The following EIF4EBP2 variants were observed in gnomAD, a reference collection of about 807,000 sequenced individuals.
EIF4EBP2 encodes the protein eukaryotic translation initiation factor 4E binding protein 2, also known as eukaryotic translation initiation factor 4E-binding protein 2.
Under a neutral mutation model 10.3 loss-of-function variants are expected in EIF4EBP2, and 5 were observed. That is an observed-to-expected ratio of 0.48 (90% CI 0.25 to 1.02). The LOEUF is 1.02. EIF4EBP2 is among the 50% of genes least tolerant of loss of function. The probability of loss-of-function intolerance (pLI) is 0.15; values close to 1 mark genes in which losing one functional copy is unlikely to be tolerated. For missense variants in EIF4EBP2, 188 were observed against 162.2 expected, an observed-to-expected ratio of 1.16 and a Z score of -0.86; for synonymous variants, 67 against 61.1, an observed-to-expected ratio of 1.10 and a Z score of -0.45.
chr10:70,408,993 G>A (rs1438284343), intron 1 of EIF4EBP2, among the ~76,000 whole-genome samples: 1 of 152,200 alleles, frequency 6.6e-6, no homozygotes, highest in African/African-American at 2.4e-5. Context: ...GAGCATTCCA[G>A]CATAACAACA....
At chr10:70,410,361 C>A (rs778532913) in intron 1 of EIF4EBP2, among the ~76,000 whole-genome samples, 13 of 152,106 alleles carry the variant, frequency 8.5e-5, no homozygotes, top group Admixed American at 2.0e-4. Flanking sequence ...CATGCCCAGC[C>A]CTGTTTCTTT....
At chr10:70,420,134 G>T (rs1845139195) in intron 2 of EIF4EBP2, 35 bp downstream of exon 2, 1 of 1,534,922 alleles carries the variant, frequency 6.5e-7, no homozygotes, top group Admixed American at 2.1e-5. Flanking sequence ...CCTAGAGCGT[G>T]GCTCTTGGAA....
rs1845184179 is a variant in EIF4EBP2, at chr10:70,424,029, C to T, written c.*2282C>T. On this transcript the variant is annotated 3_prime_UTR_variant, in exon 3 of 3. Coordinates refer to ENST00000373218, the MANE Select transcript of EIF4EBP2 (RefSeq NM_004096.5). ...GGAATGAAGCTTTTCATTCTTCATACACTGGCCTTGGCATCCTGTGGAATT... is the reference window on the plus strand; with the variant it reads ...GGAATGAAGCTTTTCATTCTTCATATACTGGCCTTGGCATCCTGTGGAATT... 1 of 152,126 alleles carries T rather than the reference C, an allele frequency of 6.6e-6. No homozygotes were observed. Among genetic ancestry groups the T allele is most frequent in the African/African-American group, 2.4e-5 (1 of 41,412 alleles). 9.4% of individuals were successfully genotyped at this position (152,126 alleles called of 1,614,324 possible).
intron 1 of EIF4EBP2, among the ~76,000 whole-genome samples, chr10:70,410,123 G>A (rs1373833021): frequency 6.6e-6 from 1 of 152,038 alleles, no homozygotes; most frequent in East Asian, 1.9e-4. Context: ...AGGCTGGAGT[G>A]CAATGGCGCC....
chr10:70,415,114 C>T (rs1036737214), intron 1 of EIF4EBP2, among the ~76,000 whole-genome samples: 1 of 150,738 alleles, frequency 6.6e-6, no homozygotes, highest in African/African-American at 2.4e-5. Context: ...GCCAAGATTG[C>T]ACTTCTGCCC....
Position 70,421,853 on chromosome 10 carries a change from T to G in EIF4EBP2, c.*106T>G. On this transcript the variant is annotated 3_prime_UTR_variant, in exon 3 of 3. Transcript: ENST00000373218. ...AAGACAGAAGAGGCAATACCAGCAGTCCCCATTACAGTCTCCACCTCCCCG... is the reference window on the plus strand; with the variant it reads ...AAGACAGAAGAGGCAATACCAGCAGGCCCCATTACAGTCTCCACCTCCCCG... 4.7e-6 allele frequency: 5 copies of G among 1,065,948 alleles called. No homozygotes were observed. Among genetic ancestry groups the G allele is most frequent in the Non-Finnish European group, 5.7e-6 (4 of 704,102 alleles). The allele number at this position is 1,065,948 out of a possible 1,614,324, so 66.0% of individuals were successfully genotyped here. A position where few individuals can be genotyped will look rare whatever the true frequency, so the allele number is the denominator to read the frequency against.
At chr10:70,406,702 G>A (rs1379930793) in intron 1 of EIF4EBP2, among the ~76,000 whole-genome samples, 1 of 150,864 alleles carries the variant, frequency 6.6e-6, no homozygotes, top group African/African-American at 2.5e-5. Context: ...GAGTCTGCCA[G>A]AAATACTAAT....
At chr10:70,405,433 G>A (rs1486087337) in intron 1 of EIF4EBP2, among the ~76,000 whole-genome samples, 2 of 152,192 alleles carry the variant, frequency 1.3e-5, no homozygotes, top group African/African-American at 4.8e-5. Flanking sequence ...CTTGGTCACG[G>A]GAAGAGAGCT....
intron 1 of EIF4EBP2, among the ~76,000 whole-genome samples, chr10:70,406,168 G>C (rs577480130): frequency 6.6e-6 from 1 of 152,270 alleles, no homozygotes; most frequent in Non-Finnish European, 1.5e-5. Context: ...TTTTGGTAGA[G>C]TCTGGGTTTC....
rs1427892255 is a variant in EIF4EBP2, at chr10:70,426,559, G to C, written c.*4812G>C. 10 of 152,196 alleles carry C rather than the reference G, an allele frequency of 6.6e-5. No homozygotes were observed. The highest frequency in any genetic ancestry group is 4.6e-4 in the Admixed American group (7 of 15,282). The allele number at this position is 152,196 out of a possible 1,614,324, so 9.4% of individuals were successfully genotyped here. A position where few individuals can be genotyped will look rare whatever the true frequency, so the allele number is the denominator to read the frequency against. On this transcript the variant is annotated 3_prime_UTR_variant, in exon 3 of 3. Transcript: ENST00000373218. ...CCCAAAGTGCTGGGATTACAGGCGC[G>C]AGCCACCGCGCCTGGCCAAAGATGC...
Position 70,404,310 on chromosome 10 carries a change from C to G in EIF4EBP2, c.-92C>G. 4.9e-6 allele frequency: 7 copies of G among 1,414,254 alleles called. No individual in the cohort carries two copies. The highest frequency in any genetic ancestry group is 6.4e-6 in the Non-Finnish European group (7 of 1,085,730). The allele number at this position is 1,414,254 out of a possible 1,614,324, so 87.6% of individuals were successfully genotyped here. ...AAGCGAGCGAGGAGCGCGCAGAGCGCGCTTTTCCGTCCGCCTGAGGAGCCG... is the reference window on the plus strand; with the variant it reads ...AAGCGAGCGAGGAGCGCGCAGAGCGGGCTTTTCCGTCCGCCTGAGGAGCCG... On this transcript the variant is annotated 5_prime_UTR_variant, in exon 1 of 3. Transcript: ENST00000373218.
At chr10:70,417,460 A>G in intron 1 of EIF4EBP2, among the ~76,000 whole-genome samples, 1 of 148,366 alleles carries the variant, frequency 6.7e-6, no homozygotes, top group African/African-American at 2.6e-5. Context: ...AAACTATTGA[A>G]TTATACACTG....
chr10:70,406,734 ACACT>A (rs1161787560), intron 1 of EIF4EBP2, among the ~76,000 whole-genome samples: 2 of 151,250 alleles, frequency 1.3e-5, no homozygotes, highest in Non-Finnish European at 2.9e-5. Context: ...CCTCCTAACA[ACACT>A]CAATCACTGT....
chr10:70,410,304 A>G (rs1845031314), intron 1 of EIF4EBP2, among the ~76,000 whole-genome samples: 1 of 152,200 alleles, frequency 6.6e-6, no homozygotes, highest in African/African-American at 2.4e-5. Context: ...TCCTGACCTC[A>G]AGTGATCCGC....
chr10:70,406,315 A>G (rs561432701), intron 1 of EIF4EBP2, among the ~76,000 whole-genome samples: 1 of 152,336 alleles, frequency 6.6e-6, no homozygotes, highest in Non-Finnish European at 1.5e-5. Context: ...GCAGACCAGA[A>G]TCTGCTCCAT....
In EIF4EBP2 at chr10:70,423,564, G is replaced by C. The variant is rs1845179362; in HGVS notation, c.*1817G>C. 6.6e-6 allele frequency: 1 copy of C among 152,278 alleles called. No individual in the cohort carries two copies. Among genetic ancestry groups the C allele is most frequent in the African/African-American group, 2.4e-5 (1 of 41,428 alleles). 9.4% of individuals were successfully genotyped at this position (152,278 alleles called of 1,614,324 possible). On this transcript the variant is annotated 3_prime_UTR_variant, in exon 3 of 3. Coordinates refer to ENST00000373218, the MANE Select transcript of EIF4EBP2 (RefSeq NM_004096.5). ...AATTTCTGGTTGGATTTGGTGCCCT[G>C]AACTTTTTTATTAAGAAATCAGATC...
In EIF4EBP2 at chr10:70,404,347, GC is replaced by G; in HGVS notation, c.-51del. ...CGCCTGAGGAGCCGAAGCAGCCCCG[GC>G]CCCGCCGCCGCCGCCTGCCCGCCGG... On this transcript the variant is annotated 5_prime_UTR_variant, in exon 1 of 3. Transcript: ENST00000373218. 3 of 1,484,036 alleles carry G rather than the reference GC, an allele frequency of 2.0e-6. No homozygotes were observed. Among genetic ancestry groups the G allele is most frequent in the South Asian group, 2.6e-5 (2 of 76,802 alleles). The allele number at this position is 1,484,036 out of a possible 1,614,324, so 91.9% of individuals were successfully genotyped here.
intron 1 of EIF4EBP2, among the ~76,000 whole-genome samples, chr10:70,415,521 T>C (rs146432367): frequency 4.5e-4 from 68 of 152,342 alleles, no homozygotes; most frequent in African/African-American, 1.6e-3. Context: ...ACTTACACTT[T>C]GTGGTTTCAA....
intron 1 of EIF4EBP2, 63 bp from the exon 2 acceptor site, chr10:70,419,851 G>A: frequency 8.8e-7 from 1 of 1,136,070 alleles, no homozygotes; most frequent in Non-Finnish European, 1.2e-6. Context: ...TAAATTCCTG[G>A]GTGGTATTAT....
Sources: gnomAD v4.1 joint callset for allele counts (sites outside exome capture counted in the v4.1 genomes callset) on GRCh38, gnomAD v4.1.1 for gene constraint, MANE v1.5 for transcripts, NCBI Gene and HGNC (gene_info 2026-07-23, HGNC 2026-07-21) for gene names.